The following FARP1 variants were observed in gnomAD, a reference collection of about 807,000 sequenced individuals.
FARP1 encodes FERM, ARH/RhoGEF and pleckstrin domain protein 1.
Under a neutral mutation model 128.8 loss-of-function variants are expected in FARP1, and 52 were observed. That is an observed-to-expected ratio of 0.40 (90% confidence interval 0.32 to 0.51). The LOEUF is 0.51. FARP1 is among the 20% of genes least tolerant of loss of function. FARP1 has a pLI of 0.45. For synonymous variants in FARP1, 580 were observed against 551.8 expected (o/e 1.05, Z -0.72); for missense variants, 1,333 against 1,367.9 (o/e 0.97, Z 0.40).
intron 2 of FARP1, among the ~76,000 whole-genome samples, chr13:98,263,144 G>A (rs1178729818): frequency 6.6e-6 from 1 of 152,036 alleles, no homozygotes; most frequent in Non-Finnish European, 1.5e-5. Flanking sequence ...GAGTAGCTGG[G>A]ATTACATGCT....
At chr13:98,301,480 C>T (rs1032342824) in intron 2 of FARP1, among the ~76,000 whole-genome samples, 16 of 152,286 alleles carry the variant, frequency 1.1e-4, no homozygotes, top group Admixed American at 9.8e-4. Flanking sequence ...AAATGTGTGG[C>T]TCGTTCTCTT....
Position 98,197,760 on chromosome 13 carries a change from G to A in FARP1, c.-23-15460G>A, listed in dbSNP as rs1167598355. Reference sequence around the variant, plus strand: ...CGCCATTCTTCTGCCTCAGCCTCCCGAGTAGCTGGGTCTACAGGCACCCGC... The same window carrying A: ...CGCCATTCTTCTGCCTCAGCCTCCCAAGTAGCTGGGTCTACAGGCACCCGC... On this transcript the variant is annotated intron_variant, in intron 1 of 26. Coordinates refer to ENST00000319562, the MANE Select transcript of FARP1 (RefSeq NM_005766.4). Among the ~76,000 whole-genome samples the A allele has an allele frequency of 5.9e-5, 9 of 151,500 alleles. 1 individual carries two copies. Among genetic ancestry groups the A allele is most frequent in the Non-Finnish European group, 1.0e-4 (7 of 67,924 alleles).
chr13:98,453,819 T>C lies in FARP1; in HGVS notation c.*5502T>C, dbSNP rs1007756426. The C allele has an allele frequency of 5.9e-5, 5 of 84,424 alleles. No individual in the cohort carries two copies. Among genetic ancestry groups the C allele is most frequent in the African/African-American group, 2.0e-4 (5 of 25,132 alleles). 5.2% of individuals were successfully genotyped at this position (84,424 alleles called of 1,614,324 possible). On this transcript the variant is annotated 3_prime_UTR_variant, in exon 27 of 27. Coordinates refer to ENST00000319562, the MANE Select transcript of FARP1 (RefSeq NM_005766.4). Reference sequence around the variant, plus strand: ...AATGGTAATTATCTGTATTTACATATATATATTAAAGCAATATTAAAAATA... The same window carrying C: ...AATGGTAATTATCTGTATTTACATACATATATTAAAGCAATATTAAAAATA...
At chr13:98,183,307 A>C (rs1293666474) in intron 1 of FARP1, among the ~76,000 whole-genome samples, 1 of 151,152 alleles carries the variant, frequency 6.6e-6, no homozygotes, top group African/African-American at 2.4e-5. Context: ...TATTTCTTCA[A>C]CTCTATCAGT....
chr13:98,313,179 T>C (rs565134666), intron 2 of FARP1, among the ~76,000 whole-genome samples: 1 of 123,044 alleles, frequency 8.1e-6, no homozygotes, highest in Non-Finnish European at 1.6e-5. Flanking sequence ...ACACATACAC[T>C]CTGGAATCGG....
chr13:98,296,065 C>A (rs1346264174), intron 2 of FARP1, among the ~76,000 whole-genome samples: 2 of 152,160 alleles, frequency 1.3e-5, no homozygotes, highest in African/African-American at 2.4e-5. Flanking sequence ...AGGTGCGACA[C>A]CAGCTAACTG....
intron 2 of FARP1, among the ~76,000 whole-genome samples, chr13:98,277,148 A>ACACACACACACACCCC (rs372627844): frequency 5.4e-4 from 75 of 138,654 alleles, no homozygotes; most frequent in East Asian, 1.4e-3. Flanking sequence ...ACACACACAC[A>ACACACACACACACCCC]CCCCATATGT....
At chr13:98,217,997 C>A (rs1031544014) in intron 2 of FARP1, among the ~76,000 whole-genome samples, 1 of 152,138 alleles carries the variant, frequency 6.6e-6, no homozygotes, top group African/African-American at 2.4e-5. Context: ...GGATTGGAGT[C>A]CGGCCCGCCA....
intron 2 of FARP1, among the ~76,000 whole-genome samples, chr13:98,310,447 TG>T (rs2139741431): frequency 6.6e-6 from 1 of 152,370 alleles, no homozygotes; most frequent in South Asian, 2.1e-4. Context: ...TGCCTTCATG[TG>T]GCCCAGAGCA....
intron 2 of FARP1, among the ~76,000 whole-genome samples, chr13:98,235,731 C>T (rs141007012): frequency 6.6e-6 from 1 of 152,124 alleles, no homozygotes; most frequent in Non-Finnish European, 1.5e-5. Context: ...GCCCCCATTT[C>T]CCCGTCCCCC....
At chr13:98,409,003 C>A (rs1891084859) in intron 13 of FARP1, among the ~76,000 whole-genome samples, 1 of 152,156 alleles carries the variant, frequency 6.6e-6, no homozygotes, top group Non-Finnish European at 1.5e-5. Flanking sequence ...CTGTGTCTTT[C>A]TTGAGTAATT....
chr13:98,215,987 T>C (rs1881039910), intron 2 of FARP1, among the ~76,000 whole-genome samples: 1 of 152,134 alleles, frequency 6.6e-6, no homozygotes, highest in Admixed American at 6.5e-5. Flanking sequence ...GACGGGCTTT[T>C]ACCATGTTGA....
Position 98,438,785 on chromosome 13 carries a change from C to A in FARP1, c.2275-19C>A, listed in dbSNP as rs183912536. ...GTCCGCACGCTCGCAGCCAGCCCTC[C>A]GGTCTGTCTCCCCTGCAGGAGTTCA... On this transcript the variant is annotated intron_variant, in intron 19 of 26. Coordinates refer to ENST00000319562, the MANE Select transcript of FARP1 (RefSeq NM_005766.4). The A allele has an allele frequency of 2.5e-6, 4 of 1,609,914 alleles. No homozygotes were observed. In the Admixed American group the frequency reaches 5.0e-5, roughly 20 times the overall value.
At chr13:98,359,927 A>C (rs1265510563) in intron 3 of FARP1, among the ~76,000 whole-genome samples, 4 of 152,178 alleles carry the variant, frequency 2.6e-5, no homozygotes, top group Admixed American at 1.3e-4. Context: ...GAAAGAAAAC[A>C]GGGCGCCTGA....
intron 26 of FARP1, 193 bp downstream of exon 26, chr13:98,447,010 C>A (rs1159001265): frequency 1.7e-6 from 1 of 594,018 alleles, no homozygotes; most frequent in African/African-American, 1.9e-5. Flanking sequence ...TCCCAACTTC[C>A]CTGCGCCCTT....
At chr13:98,360,332 A>G (rs1365221414) in intron 3 of FARP1, among the ~76,000 whole-genome samples, 1 of 152,104 alleles carries the variant, frequency 6.6e-6, no homozygotes, top group African/African-American at 2.4e-5. Context: ...CTGACCTCAG[A>G]TGATCCACCC....
At chr13:98,223,555 A>G (rs141912455) in intron 2 of FARP1, among the ~76,000 whole-genome samples, 85 of 152,106 alleles carry the variant, frequency 5.6e-4, no homozygotes, top group African/African-American at 2.0e-3. Context: ...CGAACTCCTG[A>G]TCTCAGGTGA....
At chr13:98,238,582 G>A (rs117460722) in intron 2 of FARP1, among the ~76,000 whole-genome samples, 6,036 of 152,228 alleles carry the variant, frequency 0.04, 276 homozygotes, top group East Asian at 0.24. Context: ...CATGTCTTAC[G>A]TGGTGGCAGG....
At chr13:98,219,799 G>A (rs1881306338) in intron 2 of FARP1, among the ~76,000 whole-genome samples, 1 of 152,086 alleles carries the variant, frequency 6.6e-6, no homozygotes, top group African/African-American at 2.4e-5. Context: ...CCTAGTTGCT[G>A]AGACTACAGG....
Sources: allele counts gnomAD v4.1 joint callset (sites outside exome capture counted in the v4.1 genomes callset), GRCh38; gene constraint gnomAD v4.1.1; transcripts MANE v1.5; gene names NCBI Gene and HGNC (gene_info 2026-07-23, HGNC 2026-07-21).